TRDMT1: variants seen among roughly 807,000 people sequenced by gnomAD.
TRDMT1 encodes tRNA aspartic acid methyltransferase 1.
In TRDMT1, 49 loss-of-function variants were observed where a neutral mutation model predicts 51.2. That is an observed-to-expected ratio of 0.96 (90% CI 0.76 to 1.21). The LOEUF (loss-of-function observed/expected upper bound fraction) is 1.21, where lower values mean the gene tolerates loss of function less well. Among genes scored for constraint, TRDMT1 ranks in the 50% most tolerant of loss-of-function variants. TRDMT1 has a pLI of 0.00. For missense variants in TRDMT1, 534 were observed against 462.3 expected (o/e 1.16, Z -1.42); for synonymous variants, 187 against 164.6 (o/e 1.14, Z -1.04).
intron 7 of TRDMT1, among the ~76,000 whole-genome samples, chr10:17,158,364 A>G (rs10490962): frequency 0.42 from 63,427 of 152,000 alleles, 15,260 homozygotes; most frequent in South Asian, 0.57. Context: ...TTAATGATGA[A>G]GTCCTTGAAG....
chr10:17,175,071 C>A (rs1299371053), intron 1 of TRDMT1, among the ~76,000 whole-genome samples: 1 of 152,196 alleles, frequency 6.6e-6, no homozygotes, highest in East Asian at 1.9e-4. Context: ...TCTGCACCTT[C>A]TCACATTAAT....
At chr10:17,185,611 T>C (rs1843782237) in intron 1 of TRDMT1, among the ~76,000 whole-genome samples, 1 of 152,194 alleles carries the variant, frequency 6.6e-6, no homozygotes, top group Non-Finnish European at 1.5e-5. Flanking sequence ...TGCACACGTA[T>C]GTTTATTGCG....
chr10:17,166,136 G>A (rs1379034369), intron 3 of TRDMT1, among the ~76,000 whole-genome samples: 1 of 152,130 alleles, frequency 6.6e-6, no homozygotes, highest in African/African-American at 2.4e-5. Context: ...GTCCAACAAT[G>A]ATAGACTAGA....
At position 17,141,769 on chromosome 10, in the gene TRDMT1, T is replaced by C. The variant is rs1187930187; in HGVS notation, c.*7271A>G. On this transcript the variant is annotated 3_prime_UTR_variant, in exon 11 of 11. Coordinates refer to ENST00000377799, the MANE Select transcript of TRDMT1 (RefSeq NM_004412.7). Reference sequence around the variant, plus strand: ...ATATAAATGTACAGATTCAAGAAGGTGAATGAACACCAAACAGGATATTAC... The same window carrying C: ...ATATAAATGTACAGATTCAAGAAGGCGAATGAACACCAAACAGGATATTAC... Among the ~76,000 whole-genome samples, 2 of 152,190 alleles carry C rather than the reference T, an allele frequency of 1.3e-5. No homozygotes were observed. Among genetic ancestry groups the C allele is most frequent in the African/African-American group, 4.8e-5 (2 of 41,446 alleles).
At chr10:17,170,644 G>A (rs1383749050) in intron 2 of TRDMT1, among the ~76,000 whole-genome samples, 1 of 152,182 alleles carries the variant, frequency 6.6e-6, no homozygotes, top group African/African-American at 2.4e-5. Flanking sequence ...TGAAGTTATA[G>A]TGAAACAGAG....
chr10:17,162,094 A>T, intron 4 of TRDMT1, 72 bp downstream of exon 4: 1 of 1,359,576 alleles, frequency 7.4e-7, no homozygotes, highest in Non-Finnish European at 1.0e-6. Context: ...CTACAAAATG[A>T]CAAACGTCAC....
chr10:17,153,491 C>T lies in TRDMT1; in HGVS notation c.1075+16G>A. 1 of 1,613,236 alleles carries T rather than the reference C, an allele frequency of 6.2e-7. No homozygotes were observed. Among genetic ancestry groups the T allele is most frequent in the Non-Finnish European group, 8.5e-7 (1 of 1,179,668 alleles). ...TTTAATACATGAAAGCTGAATTCTG[C>T]ACGTATCCCACATACCGAACTCTGG... On this transcript the variant is annotated intron_variant, in intron 10 of 10. Transcript: ENST00000377799.
In TRDMT1 at chr10:17,140,942, T is replaced by C. The variant is rs1837628700; in HGVS notation, c.*8098A>G. Among the ~76,000 whole-genome samples the C allele has an allele frequency of 6.6e-6, 1 of 152,226 alleles. No homozygotes were observed. Among genetic ancestry groups the C allele is most frequent in the African/African-American group, 2.4e-5 (1 of 41,474 alleles). On this transcript the variant is annotated 3_prime_UTR_variant, in exon 11 of 11. Transcript: ENST00000377799. ...GCCTAATTCCATGTTAACTACCTGCTCGCCCTAATAATTGTAAAGAGCTGC... is the reference window on the plus strand; with the variant it reads ...GCCTAATTCCATGTTAACTACCTGCCCGCCCTAATAATTGTAAAGAGCTGC...
At chr10:17,156,286 G>A (rs1012637901) in intron 8 of TRDMT1, among the ~76,000 whole-genome samples, 1 of 151,698 alleles carries the variant, frequency 6.6e-6, no homozygotes, top group East Asian at 1.9e-4. Context: ...CCAGGCTGGA[G>A]TGCAGGGATA....
chr10:17,179,946 T>C (rs1386236280), intron 1 of TRDMT1, among the ~76,000 whole-genome samples: 1 of 152,154 alleles, frequency 6.6e-6, no homozygotes, highest in Non-Finnish European at 1.5e-5. Flanking sequence ...ATTACTTGTT[T>C]TCTCCAATTT....
intron 1 of TRDMT1, 71 bp from the exon 2 acceptor site, chr10:17,174,731 A>T (rs1842432400): frequency 4.4e-6 from 5 of 1,123,750 alleles, no homozygotes; most frequent in Non-Finnish European, 6.7e-6. Flanking sequence ...TCAAAATAGC[A>T]GAATTTAGTA....
At chr10:17,175,436 T>C (rs1842510193) in intron 1 of TRDMT1, among the ~76,000 whole-genome samples, 1 of 152,146 alleles carries the variant, frequency 6.6e-6, no homozygotes, top group African/African-American at 2.4e-5. Flanking sequence ...ATTGTAGCCG[T>C]AGCTATATTT....
chr10:17,170,030 G>C (rs1234179865), intron 2 of TRDMT1, among the ~76,000 whole-genome samples: 1 of 152,100 alleles, frequency 6.6e-6, no homozygotes, highest in East Asian at 1.9e-4. Flanking sequence ...TAAGCAACTG[G>C]ACGTGGAATG....
At chr10:17,190,419 C>T (rs1182082411) in intron 1 of TRDMT1, among the ~76,000 whole-genome samples, 3 of 130,124 alleles carry the variant, frequency 2.3e-5, no homozygotes, top group Non-Finnish European at 4.9e-5. Flanking sequence ...TATTTCTTGA[C>T]AGGAATAAAA....
At position 17,148,285 on chromosome 10, in the gene TRDMT1, T is replaced by C. The variant is rs146276568; in HGVS notation, c.*755A>G. On this transcript the variant is annotated 3_prime_UTR_variant, in exon 11 of 11. Coordinates refer to ENST00000377799, the MANE Select transcript of TRDMT1 (RefSeq NM_004412.7). ...CTGAAATCTTAACGTCATGCTACAT[T>C]CCTCAGCGTGCAAAGGCAAATTCAA... 231 of 985,402 alleles carry C rather than the reference T, an allele frequency of 2.3e-4. No individual in the cohort carries two copies. In the African/African-American group the frequency reaches 3.7e-3, roughly 16 times the overall value. The allele number at this position is 985,402 out of a possible 1,614,324, so 61.0% of individuals were successfully genotyped here.
intron 1 of TRDMT1, among the ~76,000 whole-genome samples, chr10:17,194,805 C>T (rs963301005): frequency 1.3e-5 from 2 of 151,650 alleles, no homozygotes; most frequent in Non-Finnish European, 2.9e-5. Flanking sequence ...TGGTCGTGGG[C>T]ACCTGTAATC....
intron 1 of TRDMT1, among the ~76,000 whole-genome samples, chr10:17,181,549 A>C (rs577365670): frequency 6.6e-6 from 1 of 152,310 alleles, no homozygotes; most frequent in South Asian, 2.1e-4. Context: ...ACTCCAGATT[A>C]TTACTGATTA....
Position 17,145,307 on chromosome 10 carries a change from T to G in TRDMT1, c.*3733A>C. 1.0e-6 allele frequency: 1 copy of G among 982,926 alleles called. No individual in the cohort carries two copies. Among genetic ancestry groups the G allele is most frequent in the East Asian group, 1.1e-4 (1 of 8,700 alleles). The allele number at this position is 982,926 out of a possible 1,614,324, so 60.9% of individuals were successfully genotyped here. A position where few individuals can be genotyped will look rare whatever the true frequency, so the allele number is the denominator to read the frequency against. ...AAAACAGCAAAGGGAAACTCTCAAA[T>G]GAAAGGCATAACTAGACATCTTGGT... is the stretch of plus-strand genomic sequence containing the variant. On this transcript the variant is annotated 3_prime_UTR_variant, in exon 11 of 11. Coordinates refer to ENST00000377799, the MANE Select transcript of TRDMT1 (RefSeq NM_004412.7).
intron 3 of TRDMT1, among the ~76,000 whole-genome samples, chr10:17,162,517 G>A (rs1344341790): frequency 1.3e-5 from 2 of 152,150 alleles, no homozygotes; most frequent in Admixed American, 6.5e-5. Context: ...GACCAGCCTG[G>A]CCGACATGGC....
Sources: allele counts gnomAD v4.1 joint callset (sites outside exome capture counted in the v4.1 genomes callset), GRCh38; gene constraint gnomAD v4.1.1; transcripts MANE v1.5; gene names NCBI Gene and HGNC (gene_info 2026-07-23, HGNC 2026-07-21).